Variants in EYA1 observed in about 807,000 individuals in gnomAD.
EYA1 encodes EYA transcriptional coactivator and phosphatase 1, also known as protein phosphatase EYA1.
Under a neutral mutation model 82.0 loss-of-function variants are expected in EYA1, and 16 were observed. The ratio of observed to expected loss-of-function variants is 0.20; its 90% CI spans 0.13 to 0.30. The LOEUF (loss-of-function observed/expected upper bound fraction) is 0.30, where lower values mean the gene tolerates loss of function less well. EYA1 is among the 10% of genes least tolerant of loss of function. The probability of loss-of-function intolerance (pLI) is 1.00; values close to 1 mark genes in which losing one functional copy is unlikely to be tolerated. For missense variants in EYA1, 633 were observed against 730.7 expected (o/e 0.87, Z 1.54); for synonymous variants, 261 against 264.4 (o/e 0.99, Z 0.12).
chr8:71,427,850 A>G (rs1378343826), intron 2 of EYA1, among the ~76,000 whole-genome samples: 1 of 151,872 alleles, frequency 6.6e-6, no homozygotes, highest in Non-Finnish European at 1.5e-5. Flanking sequence ...CAAAAACCCT[A>G]TTTCTACAAA....
chr8:71,424,194 A>G (rs1472720984), intron 2 of EYA1, among the ~76,000 whole-genome samples: 1 of 152,240 alleles, frequency 6.6e-6, no homozygotes, highest in Non-Finnish European at 1.5e-5. Flanking sequence ...AATATTGCCA[A>G]GGGAATATAT....
chr8:71,289,241 A>G (rs1563405091), intron 9 of EYA1, among the ~76,000 whole-genome samples: 1 of 152,234 alleles, frequency 6.6e-6, no homozygotes, highest in Non-Finnish European at 1.5e-5. Flanking sequence ...GAACTGATTC[A>G]GGAAGTGGAA....
intron 2 of EYA1, among the ~76,000 whole-genome samples, chr8:71,399,743 A>G (rs1378291106): frequency 6.6e-6 from 1 of 152,196 alleles, no homozygotes; most frequent in Non-Finnish European, 1.5e-5. Flanking sequence ...TATCGATTCA[A>G]TGCTATTCCC....
chr8:71,361,810 AG>A lies in EYA1; in HGVS notation c.-219del. 1 of 985,434 alleles carries A rather than the reference AG, an allele frequency of 1.0e-6. No homozygotes were observed. The highest frequency in any genetic ancestry group is 1.2e-6 in the Non-Finnish European group (1 of 829,944). 61.0% of individuals were successfully genotyped at this position (985,434 alleles called of 1,614,324 possible). A position where few individuals can be genotyped will look rare whatever the true frequency, so the allele number is the denominator to read the frequency against. ...GCTTCTGGGAGTGGAGCGCCTCTGC[AG>A]GGGAAAGCTCGGCGCAGGGGGCAGG... is the stretch of plus-strand genomic sequence containing the variant. On this transcript the variant is annotated 5_prime_UTR_variant, in exon 1 of 18. An upstream open reading frame in the 5' UTR loses its in-frame stop. Coordinates refer to ENST00000340726, the MANE Select transcript of EYA1 (RefSeq NM_000503.6).
chr8:71,447,411 C>A (rs371587880), intron 2 of EYA1, among the ~76,000 whole-genome samples: 4 of 152,134 alleles, frequency 2.6e-5, no homozygotes, highest in Non-Finnish European at 5.9e-5. Flanking sequence ...TTCATTAGTG[C>A]TACTTACTTC....
At chr8:71,508,232 G>C (rs1368026444) in intron 2 of EYA1, among the ~76,000 whole-genome samples, 1 of 152,156 alleles carries the variant, frequency 6.6e-6, no homozygotes, top group Non-Finnish European at 1.5e-5. Flanking sequence ...TACTATGTAA[G>C]TATACAGAAC....
rs79308132 is a variant in EYA1, at chr8:71,482,909, G to C, written c.33+52835C>G. On this transcript the variant is annotated intron_variant, in intron 2 of 18. Transcript: ENST00000643681. ...AAAGAGAGGGGGTACAATGGAGGTA[G>C]TGTAAATGCTGTATTCCTTCTTCTT... 8.5e-4 allele frequency among the ~76,000 whole-genome samples: 130 copies of C among 152,340 alleles called. 1 individual carries two copies. The East Asian group carries it at 0.019, about 22-fold the overall frequency.
chr8:71,370,494 G>A (rs1365942380), intron 2 of EYA1, among the ~76,000 whole-genome samples: 1 of 151,480 alleles, frequency 6.6e-6, no homozygotes, highest in Non-Finnish European at 1.5e-5. Flanking sequence ...GTGGCTGACT[G>A]AACACATGCA....
chr8:71,542,871 C>T (rs926501894), intron 1 of EYA1, among the ~76,000 whole-genome samples: 2 of 152,120 alleles, frequency 1.3e-5, no homozygotes, highest in African/African-American at 4.8e-5. Flanking sequence ...TGGAAAGTGT[C>T]TGTTCATGTC....
intron 3 of EYA1, among the ~76,000 whole-genome samples, chr8:71,335,950 G>A (rs2129048780): frequency 6.6e-6 from 1 of 152,200 alleles, no homozygotes; most frequent in East Asian, 1.9e-4. Context: ...TAGGTGCCAT[G>A]GAAACAGGTC....
At chr8:71,234,013 G>A (rs892399814) in intron 12 of EYA1, among the ~76,000 whole-genome samples, 3 of 152,128 alleles carry the variant, frequency 2.0e-5, no homozygotes, top group Admixed American at 1.3e-4. Context: ...TTAATAAAGT[G>A]CAGTAAATAT....
chr8:71,405,507 T>C (rs529272701), intron 2 of EYA1, among the ~76,000 whole-genome samples: 1 of 152,334 alleles, frequency 6.6e-6, no homozygotes, highest in African/African-American at 2.4e-5. Context: ...AGGCCCTTGA[T>C]TATAGAGGAA....
intron 2 of EYA1, among the ~76,000 whole-genome samples, chr8:71,500,945 T>A (rs1042947210): frequency 6.6e-6 from 1 of 152,212 alleles, no homozygotes; most frequent in African/African-American, 2.4e-5. Flanking sequence ...TTGGTGTGAT[T>A]TGATAAGGGT....
chr8:71,465,685 G>A (rs1294312319), intron 2 of EYA1, among the ~76,000 whole-genome samples: 1 of 152,056 alleles, frequency 6.6e-6, no homozygotes, highest in Non-Finnish European at 1.5e-5. Flanking sequence ...AGAATATTTA[G>A]TTTATCTTTA....
chr8:71,381,530 C>G (rs1828702051), intron 2 of EYA1, among the ~76,000 whole-genome samples: 1 of 152,138 alleles, frequency 6.6e-6, no homozygotes, highest in South Asian at 2.1e-4. Context: ...TGGCCTAGGA[C>G]AGACCAAATC....
At chr8:71,478,138 T>TC (rs1023988718) in intron 2 of EYA1, among the ~76,000 whole-genome samples, 4 of 152,198 alleles carry the variant, frequency 2.6e-5, no homozygotes, top group African/African-American at 9.6e-5. Flanking sequence ...ACTGAATTTT[T>TC]CCATTAAAAT....
At chr8:71,298,037 A>C (rs1209314089) in intron 9 of EYA1, among the ~76,000 whole-genome samples, 1 of 152,192 alleles carries the variant, frequency 6.6e-6, no homozygotes, top group South Asian at 2.1e-4. Context: ...GAACATGAAA[A>C]ATTTTGAAGA....
intron 2 of EYA1, among the ~76,000 whole-genome samples, chr8:71,482,252 CACAAAAGGCTATTCA>C (rs1478782260): frequency 6.6e-6 from 1 of 152,084 alleles, no homozygotes; most frequent in African/African-American, 2.4e-5. Context: ...CAGGAACTTC[CACAAAAGGCTATTCA>C]AATGGCTAAA....
intron 2 of EYA1, among the ~76,000 whole-genome samples, chr8:71,402,212 GTCTGCT>G (rs1829995805): frequency 6.6e-6 from 1 of 152,120 alleles, no homozygotes; most frequent in Non-Finnish European, 1.5e-5. Context: ...CAAGTTTGTG[GTCTGCT>G]TCCCCAGACC....
Sources: allele counts gnomAD v4.1 joint callset (sites outside exome capture counted in the v4.1 genomes callset), GRCh38; gene constraint gnomAD v4.1.1; transcripts MANE v1.5; gene names NCBI Gene and HGNC (gene_info 2026-07-23, HGNC 2026-07-21).